CEP83: variants seen among roughly 807,000 people sequenced by gnomAD.
The protein encoded by CEP83 is centrosomal protein of 83 kDa.
Under a neutral mutation model 101.9 loss-of-function variants are expected in CEP83, and 70 were observed. The observed-to-expected ratio is 0.69, with a 90% CI of 0.57 to 0.84. The LOEUF (loss-of-function observed/expected upper bound fraction) is 0.84, where lower values mean the gene tolerates loss of function less well. CEP83 is among the 40% of genes least tolerant of loss of function. The probability of loss-of-function intolerance (pLI) is 0.00; values close to 1 mark genes in which losing one functional copy is unlikely to be tolerated. For synonymous variants in CEP83, 264 were observed against 267.9 expected, an observed-to-expected ratio of 0.99 and a Z score of 0.14; for missense variants, 715 against 787.2, an observed-to-expected ratio of 0.91 and a Z score of 1.10.
chr12:94,288,041 C>T, the CEP83 span, among the ~76,000 whole-genome samples: 117 of 152,318 alleles, frequency 7.7e-4, no homozygotes, highest in South Asian at 2.5e-3. Context: ...TGTGGCTCTG[C>T]GCAGGGCCTG....
intron 2 of CEP83, among the ~76,000 whole-genome samples, chr12:94,414,942 A>C (rs1370252247): frequency 6.6e-6 from 1 of 152,192 alleles, no homozygotes; most frequent in African/African-American, 2.4e-5. Flanking sequence ...AAGATTGCTA[A>C]GAGTTAAAAT....
chr12:94,319,979 G>A (rs776364613), intron 14 of CEP83, among the ~76,000 whole-genome samples: 1 of 152,208 alleles, frequency 6.6e-6, no homozygotes, highest in African/African-American at 2.4e-5. Flanking sequence ...TTGTGTGGGA[G>A]TATAAATCTC....
At chr12:94,435,966 G>A (rs999438802) in intron 1 of CEP83, among the ~76,000 whole-genome samples, 2 of 151,908 alleles carry the variant, frequency 1.3e-5, no homozygotes, top group East Asian at 3.9e-4. Flanking sequence ...TGGGTGGCTA[G>A]ACCCAGAACG....
chr12:94,304,096 A>G (rs1431239356), downstream of CEP83: 1 of 1,192,766 alleles, frequency 8.4e-7, no homozygotes, highest in Non-Finnish European at 1.2e-6. Flanking sequence ...AATCAGGCAC[A>G]AGGATGTGGT....
chr12:94,298,683 C>T, the CEP83 span: 1 of 1,610,872 alleles, frequency 6.2e-7, no homozygotes, highest in Non-Finnish European at 8.5e-7. Context: ...TTGGAGTTTA[C>T]CCAACAGCAG....
At chr12:94,312,795 T>C (rs1032103685) in intron 15 of CEP83, 119 bp downstream of exon 15, 43 of 1,267,996 alleles carry the variant, frequency 3.4e-5, no homozygotes, top group Non-Finnish European at 4.0e-5. Flanking sequence ...GTTATCAAGC[T>C]GTTTTAGAAA....
chr12:94,279,414 A>G, the CEP83 span: 1 of 1,489,862 alleles, frequency 6.7e-7, no homozygotes, highest in African/African-American at 1.4e-5. Context: ...TCTTTTATGA[A>G]ATGCCTTTCA....
Position 94,437,624 on chromosome 12 carries a change from A to AG in CEP83, c.-154-2298dup, listed in dbSNP as rs1220004924. Among the ~76,000 whole-genome samples the AG allele has an allele frequency of 6.6e-5, 10 of 152,202 alleles. No individual in the cohort carries two copies. The East Asian group carries it at 1.9e-3, about 29-fold the overall frequency. On this transcript the variant is annotated intron_variant, in intron 1 of 16. Coordinates refer to ENST00000397809, the MANE Select transcript of CEP83 (RefSeq NM_016122.3). ...ATTATCAGCCAATAATTCCATATCTAGCAAAACTAAATTTTATAATGAAAG... is the reference window on the plus strand; with the variant it reads ...ATTATCAGCCAATAATTCCATATCTAGGCAAAACTAAATTTTATAATGAAAG...
chr12:94,428,936 A>C (rs1334105262), intron 2 of CEP83, among the ~76,000 whole-genome samples: 1 of 152,206 alleles, frequency 6.6e-6, no homozygotes, highest in East Asian at 1.9e-4. Context: ...GGAATACAGA[A>C]ATAAATAAAA....
chr12:94,285,638 C>G, the CEP83 span, among the ~76,000 whole-genome samples: 1 of 152,118 alleles, frequency 6.6e-6, no homozygotes, highest in African/African-American at 2.4e-5. Context: ...GCATCTTTGG[C>G]TGTATTTGGA....
intron 4 of CEP83, among the ~76,000 whole-genome samples, chr12:94,409,977 T>C (rs2063779650): frequency 6.6e-6 from 1 of 152,212 alleles, no homozygotes; most frequent in African/African-American, 2.4e-5. Flanking sequence ...TCTGAGGTAC[T>C]AGGAGTTAGG....
At chr12:94,418,927 G>A (rs1253179614) in intron 2 of CEP83, among the ~76,000 whole-genome samples, 1 of 151,966 alleles carries the variant, frequency 6.6e-6, no homozygotes, top group Non-Finnish European at 1.5e-5. Flanking sequence ...CACCACACCT[G>A]ACTTTAAAAT....
rs557872132 is a variant in CEP83 at position 94,386,093 on chromosome 12, A to T, written c.550-7051T>A. 4.6e-5 allele frequency among the ~76,000 whole-genome samples: 7 copies of T among 152,230 alleles called. No homozygotes were observed. The South Asian group carries it at 1.5e-3, about 32-fold the overall frequency. On this transcript the variant is annotated intron_variant, in intron 6 of 16. Coordinates refer to ENST00000397809, the MANE Select transcript of CEP83 (RefSeq NM_016122.3). ...ATCGCCTAATGACACATTTCTCAGA[A>T]CATATCCCTGTCATTAAGCTACACG...
chr12:94,383,823 G>T lies in CEP83; in HGVS notation c.550-4781C>A, dbSNP rs118086865. 3.1e-3 allele frequency among the ~76,000 whole-genome samples: 474 copies of T among 152,016 alleles called. 2 individuals carry two copies. Among genetic ancestry groups the T allele is most frequent in the Admixed American group, 8.1e-3 (123 of 15,276 alleles). ...TATTATATTTATGTAACTTATCATG[G>T]TCTACTGAATTCATTTTGTCAGTTT... is the stretch of plus-strand genomic sequence containing the variant. On this transcript the variant is annotated intron_variant, in intron 6 of 16. Coordinates refer to ENST00000397809, the MANE Select transcript of CEP83 (RefSeq NM_016122.3).
intron 11 of CEP83, among the ~76,000 whole-genome samples, chr12:94,366,860 T>A (rs912216016): frequency 2.0e-5 from 3 of 151,924 alleles, no homozygotes; most frequent in Non-Finnish European, 2.9e-5. Flanking sequence ...AAAGTCACAA[T>A]AAATGGTGGG....
In CEP83 at chr12:94,318,795, G is replaced by A. The variant is rs550299199; in HGVS notation, c.1708-5778C>T. ...TCATGGTAGATTAGGTTTTTGATGTGCTACTGGATTCGGTTTGTAAGCATT... is the reference window on the plus strand; with the variant it reads ...TCATGGTAGATTAGGTTTTTGATGTACTACTGGATTCGGTTTGTAAGCATT... On this transcript the variant is annotated intron_variant, in intron 14 of 16. Transcript: ENST00000397809. 4.6e-5 allele frequency among the ~76,000 whole-genome samples: 7 copies of A among 152,264 alleles called. No individual in the cohort carries two copies. The East Asian group carries it at 7.7e-4, about 17-fold the overall frequency.
chr12:94,365,867 C>G (rs376181229), intron 11 of CEP83, among the ~76,000 whole-genome samples: 132 of 151,734 alleles, frequency 8.7e-4, no homozygotes, highest in African/African-American at 3.1e-3. Context: ...GAGTGCTATG[C>G]AGCCATAAAA....
chr12:94,298,819 C>T, the CEP83 span: 1 of 1,595,676 alleles, frequency 6.3e-7, no homozygotes, highest in Non-Finnish European at 8.5e-7. Context: ...TGATTAGTGA[C>T]TGTTTTCAAG....
chr12:94,446,700 C>G lies in CEP83; in HGVS notation c.-154-11373G>C, dbSNP rs183265776. 4.3e-4 allele frequency among the ~76,000 whole-genome samples: 65 copies of G among 152,076 alleles called. 1 individual carries two copies. The highest frequency in any genetic ancestry group is 2.6e-3 in the Admixed American group (40 of 15,270). ...TCCACCCTGGCAAGAGAGCAAGACC[C>G]CACCTCAAAGAAAAAGAAAAATAAA... On this transcript the variant is annotated intron_variant, in intron 1 of 16. Coordinates refer to ENST00000397809, the MANE Select transcript of CEP83 (RefSeq NM_016122.3).
Sources: gnomAD v4.1 joint callset for allele counts (sites outside exome capture counted in the v4.1 genomes callset) on GRCh38, gnomAD v4.1.1 for gene constraint, MANE v1.5 for transcripts, NCBI Gene and HGNC (gene_info 2026-07-23, HGNC 2026-07-21) for gene names.